RABIF: variants seen among roughly 807,000 people sequenced by gnomAD.
The protein encoded by RABIF is RAB interacting factor, also known as guanine nucleotide exchange factor MSS4.
RABIF carries 13 observed loss-of-function variants against 12.3 expected under a neutral mutation model. That is an observed-to-expected ratio of 1.06 (90% CI 0.69 to 1.68). The LOEUF is 1.68. Among genes scored for constraint, RABIF ranks in the 40% most tolerant of loss-of-function variants. RABIF has a pLI of 0.00. For missense variants in RABIF, 153 were observed against 158.0 expected (o/e 0.97, Z 0.17); for synonymous variants, 70 against 63.3 (o/e 1.11, Z -0.50).
At chr1:202,883,021 G>T (rs915367587) in intron 1 of RABIF, among the ~76,000 whole-genome samples, 1 of 152,092 alleles carries the variant, frequency 6.6e-6, no homozygotes, top group Non-Finnish European at 1.5e-5. Context: ...TTAGGAGAAG[G>T]CCTCTGGCAC....
intron 1 of RABIF, 61 bp downstream of exon 1, chr1:202,888,912 G>T: frequency 6.8e-7 from 1 of 1,460,352 alleles, no homozygotes; most frequent in Non-Finnish European, 9.1e-7. Flanking sequence ...TTCAGATTCT[G>T]ACTGCGGCGG....
At chr1:202,888,764 A>C (rs1659602773) in intron 1 of RABIF, among the ~76,000 whole-genome samples, 1 of 152,126 alleles carries the variant, frequency 6.6e-6, no homozygotes. Flanking sequence ...CCCGCGGCAA[A>C]AGATGCCGGG....
chr1:202,881,734 G>A (rs4950886), intron 1 of RABIF, among the ~76,000 whole-genome samples: 88,304 of 152,078 alleles, frequency 0.58, 26,261 homozygotes, highest in Non-Finnish European at 0.65. Flanking sequence ...CAGCTGGGTG[G>A]TCTGGGAACT....
chr1:202,885,807 G>A (rs1449285454), intron 1 of RABIF, among the ~76,000 whole-genome samples: 4 of 152,168 alleles, frequency 2.6e-5, no homozygotes, highest in Non-Finnish European at 4.4e-5. Context: ...AGAAAAGAAA[G>A]GAGAAAACAA....
At chr1:202,885,923 A>C (rs1383943392) in intron 1 of RABIF, among the ~76,000 whole-genome samples, 1 of 151,792 alleles carries the variant, frequency 6.6e-6, no homozygotes, top group African/African-American at 2.4e-5. Context: ...AGAAATAGGA[A>C]ATTTCCAGAA....
chr1:202,885,096 A>G (rs199700517), intron 1 of RABIF, among the ~76,000 whole-genome samples: 2 of 32,804 alleles, frequency 6.1e-5, no homozygotes, highest in Non-Finnish European at 9.9e-5. Context: ...CAAAAAAAAA[A>G]AAAAAAAAAA....
chr1:202,888,135 A>C (rs1659589718), intron 1 of RABIF, among the ~76,000 whole-genome samples: 1 of 152,188 alleles, frequency 6.6e-6, no homozygotes, highest in African/African-American at 2.4e-5. Flanking sequence ...TAATAAAATG[A>C]TCTGCATATT....
In RABIF at chr1:202,879,782, AT is replaced by A. The variant is rs1479768137; in HGVS notation, c.*1195del. 2 of 152,346 alleles carry A rather than the reference AT, an allele frequency of 1.3e-5. No individual in the cohort carries two copies. Among genetic ancestry groups the A allele is most frequent in the African/African-American group, 4.8e-5 (2 of 41,586 alleles). The allele number at this position is 152,346 out of a possible 1,614,324, so 9.4% of individuals were successfully genotyped here. On this transcript the variant is annotated 3_prime_UTR_variant, in exon 2 of 2. Coordinates refer to ENST00000367262, the MANE Select transcript of RABIF (RefSeq NM_002871.5). ...AGGTTTCTGTTTAGTACTTATTTCA[AT>A]TTTAGGCCTCCTGAATAGTAGAGGT...
intron 1 of RABIF, among the ~76,000 whole-genome samples, chr1:202,881,991 T>C (rs1480901830): frequency 6.6e-6 from 1 of 152,260 alleles, no homozygotes; most frequent in East Asian, 1.9e-4. Context: ...AATAGTTTTA[T>C]TGAGGTATAA....
At chr1:202,882,853 T>C (rs1229872035) in intron 1 of RABIF, among the ~76,000 whole-genome samples, 1 of 152,134 alleles carries the variant, frequency 6.6e-6, no homozygotes, top group Non-Finnish European at 1.5e-5. Context: ...CTCAACTATT[T>C]GTTAAGAGAA....
At chr1:202,882,888 T>C (rs866287812) in intron 1 of RABIF, among the ~76,000 whole-genome samples, 15 of 152,184 alleles carry the variant, frequency 9.9e-5, no homozygotes, top group Admixed American at 3.3e-4. Flanking sequence ...CTGGCTTTGA[T>C]CTATTCCATC....
rs535147613 is a variant in RABIF, at chr1:202,888,926, G to A, written c.126+47C>T. ...GTTCAGATTCTGACTGCGGCGGCTC[G>A]TCGGGGGAGACTGTGGGTGTAAACG... On this transcript the variant is annotated intron_variant, in intron 1 of 1. Transcript: ENST00000367262. 40 of 1,476,670 alleles carry A rather than the reference G, an allele frequency of 2.7e-5. No homozygotes were observed. In the African/African-American group the frequency reaches 4.8e-4, roughly 18 times the overall value. 91.5% of individuals were successfully genotyped at this position (1,476,670 alleles called of 1,614,324 possible).
intron 1 of RABIF, among the ~76,000 whole-genome samples, chr1:202,884,178 G>C (rs1404356807): frequency 1.3e-5 from 2 of 152,280 alleles, no homozygotes; most frequent in South Asian, 4.1e-4. Flanking sequence ...ACAACTCAGT[G>C]AGACTCTGCT....
At chr1:202,886,025 A>T (rs1433911440) in intron 1 of RABIF, among the ~76,000 whole-genome samples, 1 of 151,882 alleles carries the variant, frequency 6.6e-6, no homozygotes, top group East Asian at 1.9e-4. Context: ...TAAAACACAT[A>T]AAATGCATTA....
In RABIF at chr1:202,885,135, T is replaced by C. The variant is rs183687114; in HGVS notation, c.126+3838A>G. Among the ~76,000 whole-genome samples, 433 of 150,984 alleles carry C rather than the reference T, an allele frequency of 2.9e-3. 5 individuals are homozygous for C. The highest frequency in any genetic ancestry group is 2.3e-3 in the Non-Finnish European group (158 of 67,810). On this transcript the variant is annotated intron_variant, in intron 1 of 1. Coordinates refer to ENST00000367262, the MANE Select transcript of RABIF (RefSeq NM_002871.5). Reference sequence around the variant, plus strand: ...AAAAGAAAAGAAAGAAAAAGATGCTTAACAGCAACCCTGGCTTCTACCCAC... The same window carrying C: ...AAAAGAAAAGAAAGAAAAAGATGCTCAACAGCAACCCTGGCTTCTACCCAC...
chr1:202,881,435 A>G (rs1659489844), intron 1 of RABIF, among the ~76,000 whole-genome samples: 1 of 151,058 alleles, frequency 6.6e-6, no homozygotes, highest in Non-Finnish European at 1.5e-5. Context: ...AGATTCTCCC[A>G]CTGTCGCCTA....
chr1:202,884,810 C>G (rs1659535885), intron 1 of RABIF, among the ~76,000 whole-genome samples: 1 of 152,096 alleles, frequency 6.6e-6, no homozygotes, highest in Non-Finnish European at 1.5e-5. Flanking sequence ...TCGGGCCGGG[C>G]ACAGTGGCTC....
At chr1:202,888,651 G>A (rs904212395) in intron 1 of RABIF, among the ~76,000 whole-genome samples, 1 of 152,190 alleles carries the variant, frequency 6.6e-6, no homozygotes, top group Non-Finnish European at 1.5e-5. Context: ...ACGCGCCCGC[G>A]GAGCACCGGC....
intron 1 of RABIF, among the ~76,000 whole-genome samples, chr1:202,882,925 T>C (rs1239042596): frequency 3.9e-5 from 6 of 152,220 alleles, no homozygotes; most frequent in Non-Finnish European, 2.9e-5. Context: ...TGGATTTATC[T>C]TATAAAAAGA....
Sources: allele counts gnomAD v4.1 joint callset (sites outside exome capture counted in the v4.1 genomes callset), GRCh38; gene constraint gnomAD v4.1.1; transcripts MANE v1.5; gene names NCBI Gene and HGNC (gene_info 2026-07-23, HGNC 2026-07-21).